The following LOXL3 variants were observed in gnomAD, a reference collection of about 807,000 sequenced individuals.
LOXL3 encodes the protein lysyl oxidase like 3.
Under a neutral mutation model 91.8 loss-of-function variants are expected in LOXL3, and 60 were observed. The ratio of observed to expected loss-of-function variants is 0.65; its 90% CI spans 0.53 to 0.81. The LOEUF is 0.81. Among genes scored for constraint, LOXL3 ranks in the 30% least tolerant of loss-of-function variants. The pLI is 0.00. For missense variants in LOXL3, 874 were observed against 1,000.4 expected (o/e 0.87, Z 1.70); for synonymous variants, 355 against 387.6 (o/e 0.92, Z 0.99).
intron 4 of LOXL3, among the ~76,000 whole-genome samples, chr2:74,545,002 C>T (rs767014724): frequency 9.2e-5 from 14 of 152,112 alleles, no homozygotes; most frequent in African/African-American, 1.7e-4. Flanking sequence ...TATGAGATTC[C>T]GATATGTCCA....
intron 12 of LOXL3, 50 bp downstream of exon 12, chr2:74,534,050 C>G: frequency 6.2e-7 from 1 of 1,612,462 alleles, no homozygotes; most frequent in Non-Finnish European, 8.5e-7. Context: ...TCAAAGGTGT[C>G]TTTAACGCTC....
intron 12 of LOXL3, 25 bp from the exon 13 acceptor site, chr2:74,534,018 A>T: frequency 1.2e-6 from 2 of 1,612,466 alleles, no homozygotes; most frequent in Non-Finnish European, 1.7e-6. Context: ...AAGGCCACTT[A>T]ACCCAGCGAC....
chr2:74,532,705 C>T lies in LOXL3; in HGVS notation c.*901G>A. 1 of 1,613,744 alleles carries T rather than the reference C, an allele frequency of 6.2e-7. No individual in the cohort carries two copies. Among genetic ancestry groups the T allele is most frequent in the Non-Finnish European group, 8.5e-7 (1 of 1,179,878 alleles). On this transcript the variant is annotated 3_prime_UTR_variant, in exon 14 of 14. Transcript: ENST00000264094. ...ATCCATAAAGTCATCCTGGGCTCCCCTGCACACCGGTGAGGGAGAGGCTGC... is the reference window on the plus strand; with the variant it reads ...ATCCATAAAGTCATCCTGGGCTCCCTTGCACACCGGTGAGGGAGAGGCTGC...
In LOXL3 at chr2:74,540,503, C is replaced by T. The variant is rs180953928; in HGVS notation, c.693-3575G>A. ...CTGGACCAGGACCAAGAACCAAGGC[C>T]GAATATCCAAGGGCGTTAACTTGGT... On this transcript the variant is annotated intron_variant, in intron 4 of 13. Transcript: ENST00000264094. Among the ~76,000 whole-genome samples the T allele has an allele frequency of 1.1e-4, 17 of 152,148 alleles. No individual in the cohort carries two copies. The East Asian group carries it at 2.7e-3, about 24-fold the overall frequency.
At position 74,534,822 on chromosome 2, in the gene LOXL3, A is replaced by G. The variant is rs145579110; in HGVS notation, c.1580-48T>C. On this transcript the variant is annotated intron_variant, in intron 9 of 13. Transcript: ENST00000264094. ...TGTTAGAAGTCACTGCTGACTTCAC[A>G]GAGAGGGGTGCTTCCATCCCTCCCT... 5.6e-4 allele frequency: 884 copies of G among 1,589,520 alleles called. 4 individuals are homozygous for G. The African/African-American group carries it at 0.011, about 19-fold the overall frequency.
At chr2:74,550,934 G>GT (rs1030182702) in intron 2 of LOXL3, among the ~76,000 whole-genome samples, 4,206 of 135,266 alleles carry the variant, frequency 0.031, 81 homozygotes, top group Non-Finnish European at 0.035. Context: ...TCTGAAACCT[G>GT]TTTTTTTTTT....
At chr2:74,545,652 C>T (rs1676545695) in intron 4 of LOXL3, among the ~76,000 whole-genome samples, 1 of 152,182 alleles carries the variant, frequency 6.6e-6, no homozygotes, top group Admixed American at 6.5e-5. Context: ...TAGCTGGTCA[C>T]TCTCTCCTCT....
intron 1 of LOXL3, chr2:74,552,961 G>C: frequency 3.3e-6 from 1 of 303,144 alleles, no homozygotes; most frequent in African/African-American, 2.1e-5. Context: ...GAGAGAGGAA[G>C]ACCCAGACAG....
rs1163168814 is a variant in LOXL3 at position 74,550,190 on chromosome 2, T to C, written c.472A>G (p.Ile158Val). 1.2e-6 allele frequency: 2 copies of C among 1,613,170 alleles called. No individual in the cohort carries two copies. The highest frequency in any genetic ancestry group is 3.3e-5 in the Admixed American group (2 of 59,930). Residue 158 changes from isoleucine (I) to valine (V), a missense_variant, in exon 3 of 14, where the codon ATT (isoleucine) becomes GTT (valine). Transcript: ENST00000264094. ...TATGTCTAGGAAATGCAGACCTCAA[T>C]GACATTGGAGTCCGAGAAGCCAGGG... ...RLPGFSDSNVIEVEHHLQVEE... is the reference protein window; with the variant it reads ...RLPGFSDSNVVEVEHHLQVEE...
intron 4 of LOXL3, among the ~76,000 whole-genome samples, chr2:74,538,042 A>C (rs556306390): frequency 6.6e-6 from 1 of 152,328 alleles, no homozygotes; most frequent in African/African-American, 2.4e-5. Context: ...AAAACAGACA[A>C]AGGAAGCCTG....
At chr2:74,548,477 C>CGGCA (rs1158644791) in intron 4 of LOXL3, among the ~76,000 whole-genome samples, 2 of 152,078 alleles carry the variant, frequency 1.3e-5, no homozygotes, top group Non-Finnish European at 2.9e-5. Flanking sequence ...CAGTAGCTGG[C>CGGCA]GGCATCAGAC....
Position 74,535,948 on chromosome 2 carries a change from C to A in LOXL3, c.1248+48G>T. 1 of 1,526,176 alleles carries A rather than the reference C, an allele frequency of 6.6e-7. No homozygotes were observed. 94.5% of individuals were successfully genotyped at this position (1,526,176 alleles called of 1,614,324 possible). On this transcript the variant is annotated intron_variant, in intron 7 of 13. Coordinates refer to ENST00000264094, the MANE Select transcript of LOXL3 (RefSeq NM_032603.5). This position sits in a 1 kb window ranked among gnomAD's most constrained non-coding sequence, Gnocchi z 4.2. ...TTGGACTGTAGATTGGAGACCAGAC[C>A]TGGATAGGATGAAAGAGACCTCAAC...
intron 1 of LOXL3, chr2:74,552,928 A>T (rs1244593510): frequency 2.9e-5 from 11 of 383,772 alleles, no homozygotes; most frequent in Non-Finnish European, 4.7e-5. Context: ...AAAGAGATAG[A>T]GACTGAGCAA....
At chr2:74,555,059 T>C, upstream of LOXL3, 11 of 1,478,478 alleles carry the variant, frequency 7.4e-6, 1 homozygote, top group South Asian at 1.4e-4. The surrounding 1 kb of genome is among the most constrained non-coding windows in gnomAD (Gnocchi z 6.1). Context: ...AAGCCCCAGA[T>C]CCCAAATCGA....
chr2:74,536,014 G>A lies in LOXL3; in HGVS notation c.1230C>T (p.Tyr410=), dbSNP rs1675997665. 1.3e-6 allele frequency: 2 copies of A among 1,587,920 alleles called. No individual in the cohort carries two copies. Among genetic ancestry groups the A allele is most frequent in the Middle Eastern group, 1.7e-4 (1 of 5,908 alleles). The change falls in exon 7 of 14, where the codon TAC becomes TAT. Residue 410 remains tyrosine (Y), a synonymous_variant. Transcript: ENST00000264094. The surrounding 1 kb of genome is among the most constrained non-coding windows in gnomAD (Gnocchi z 4.5). ...GACTGACCCTGGTCTCTGCCCCAGT[G>A]TAAGGTAGGTTGCACCGGACCCCGG... ...QDAGVRCNLP[Y]TGAETRIRLS...
At chr2:74,555,656 C>A, upstream of LOXL3, 1 of 1,614,018 alleles carries the variant, frequency 6.2e-7, no homozygotes, top group South Asian at 1.1e-5. The surrounding 1 kb of genome is among the most constrained non-coding windows in gnomAD (Gnocchi z 6.1). Context: ...CTTGTACAGC[C>A]CTACCTGGGA....
chr2:74,546,870 C>T (rs1237079057), intron 4 of LOXL3, among the ~76,000 whole-genome samples: 1 of 152,200 alleles, frequency 6.6e-6, no homozygotes, highest in African/African-American at 2.4e-5. Context: ...TCATGCGCCA[C>T]CACACCCGGC....
Position 74,532,644 on chromosome 2 carries a change from G to A in LOXL3, c.*962C>T. 1 of 1,613,598 alleles carries A rather than the reference G, an allele frequency of 6.2e-7. No individual in the cohort carries two copies. The highest frequency in any genetic ancestry group is 8.5e-7 in the Non-Finnish European group (1 of 1,180,004). The stretch of plus-strand genomic sequence containing the variant: ...CATCCTTGCTGAACTACAGCTTCGA[G>A]AACCAAGCTTTCCCGATGTTCAGCA... On this transcript the variant is annotated 3_prime_UTR_variant, in exon 14 of 14. Coordinates refer to ENST00000264094, the MANE Select transcript of LOXL3 (RefSeq NM_032603.5).
At chr2:74,553,230 T>C (rs1677139019) in intron 1 of LOXL3, 1 of 152,304 alleles carries the variant, frequency 6.6e-6, no homozygotes, top group African/African-American at 2.4e-5. Context: ...TAAGGGGCCC[T>C]AGGCGGCCCT....
Sources: allele counts gnomAD v4.1 joint callset (sites outside exome capture counted in the v4.1 genomes callset), GRCh38; gene constraint gnomAD v4.1.1; non-coding constraint Gnocchi (gnomAD v3.1); transcripts MANE v1.5; gene names NCBI Gene and HGNC (gene_info 2026-07-23, HGNC 2026-07-21).